Variants in ANKRD44 observed in about 807,000 individuals in gnomAD.
ANKRD44 encodes the protein ankyrin repeat domain 44.
A neutral mutation model predicts 116.0 loss-of-function variants in ANKRD44; 35 were observed. The ratio of observed to expected loss-of-function variants is 0.30; its 90% CI spans 0.23 to 0.40. The LOEUF is 0.40. Ranked by LOEUF, ANKRD44 falls within the 10% of genes least tolerant of loss-of-function variation. ANKRD44 has a pLI of 1.00. For missense variants in ANKRD44, 1,014 were observed against 1,242.6 expected (o/e 0.82, Z 2.77); for synonymous variants, 435 against 461.8 (o/e 0.94, Z 0.74).
At chr2:197,300,758 CTTTTT>C (rs112803787) in intron 1 of ANKRD44, among the ~76,000 whole-genome samples, 5 of 122,742 alleles carry the variant, frequency 4.1e-5, no homozygotes, top group Non-Finnish European at 6.8e-5. Context: ...TTTCATTTTC[CTTTTT>C]TTTTTTTTTT....
intron 1 of ANKRD44, among the ~76,000 whole-genome samples, chr2:197,283,559 A>T (rs912656286): frequency 6.6e-6 from 1 of 152,232 alleles, no homozygotes; most frequent in Non-Finnish European, 1.5e-5. Flanking sequence ...TAAATATTTA[A>T]TGTTTCCTTA....
At chr2:197,160,533 C>T (rs74405884) in intron 2 of ANKRD44, among the ~76,000 whole-genome samples, 2,039 of 152,278 alleles carry the variant, frequency 0.013, 19 homozygotes, top group Middle Eastern at 0.034. Flanking sequence ...GCCATTGTAG[C>T]CTGTCCTATC....
chr2:197,197,739 A>C (rs1347343474), intron 1 of ANKRD44, among the ~76,000 whole-genome samples: 2 of 147,800 alleles, frequency 1.4e-5, no homozygotes, highest in African/African-American at 2.5e-5. Context: ...GAGCCCAGGA[A>C]ATTGAGGCTG....
intron 2 of ANKRD44, among the ~76,000 whole-genome samples, chr2:197,165,396 G>A (rs1281008737): frequency 1.3e-5 from 2 of 152,208 alleles, no homozygotes; most frequent in African/African-American, 4.8e-5. Context: ...CATCTTTAGT[G>A]AACAAAATCT....
intron 18 of ANKRD44, among the ~76,000 whole-genome samples, chr2:197,009,566 A>G (rs931755402): frequency 6.6e-6 from 1 of 151,966 alleles, no homozygotes; most frequent in Admixed American, 6.6e-5. Context: ...ATGGGGTTTC[A>G]CCATGTTGCC....
chr2:197,187,070 C>T lies in ANKRD44; in HGVS notation c.64G>A (p.Glu22Lys), dbSNP rs765603381. Reference sequence around the variant, plus strand: ...TTATGGATGAGCATCCGGATCTCCTCTGGATCACCGCTGAAGATTGCCTGA... The same window carrying T: ...TTATGGATGAGCATCCGGATCTCCTTTGGATCACCGCTGAAGATTGCCTGA... ...LVQAIFSGDP[E>K]EIRMLIHKTE... Residue 22 changes from glutamate (E) to lysine (K), a missense_variant, in exon 2 of 28, where the codon GAG (glutamate) becomes AAG (lysine). Transcript: ENST00000282272. 2 of 1,614,136 alleles carry T rather than the reference C, an allele frequency of 1.2e-6. No individual in the cohort carries two copies. The highest frequency in any genetic ancestry group is 1.1e-5 in the South Asian group (1 of 91,076).
intron 16 of ANKRD44, among the ~76,000 whole-genome samples, chr2:197,058,203 A>C (rs921919167): frequency 6.6e-6 from 1 of 152,190 alleles, no homozygotes; most frequent in Admixed American, 6.5e-5. Context: ...TCTTTTAAGC[A>C]CTATGTGAAA....
intron 2 of ANKRD44, among the ~76,000 whole-genome samples, chr2:197,167,511 T>A (rs1013082202): frequency 6.6e-6 from 1 of 152,186 alleles, no homozygotes; most frequent in Admixed American, 6.5e-5. Context: ...CATCGAAGAC[T>A]TCCCAGAACC....
chr2:197,014,793 A>C (rs775569046), intron 17 of ANKRD44, among the ~76,000 whole-genome samples: 6 of 151,966 alleles, frequency 3.9e-5, no homozygotes, highest in African/African-American at 7.3e-5. Flanking sequence ...CCAAAAAAAA[A>C]AACAACAAAA....
intron 1 of ANKRD44, among the ~76,000 whole-genome samples, chr2:197,208,965 C>T (rs1035780534): frequency 1.3e-5 from 2 of 152,128 alleles, no homozygotes; most frequent in Admixed American, 6.5e-5. Flanking sequence ...GTGATTCATC[C>T]ATTAGGCTAT....
intron 1 of ANKRD44, among the ~76,000 whole-genome samples, chr2:197,222,298 C>A (rs2081602530): frequency 6.6e-6 from 1 of 151,978 alleles, no homozygotes; most frequent in Non-Finnish European, 1.5e-5. Context: ...GGCTTCTAAA[C>A]TTCTTGAGCC....
intron 9 of ANKRD44, among the ~76,000 whole-genome samples, chr2:197,109,872 G>A (rs965712128): frequency 1.3e-5 from 2 of 152,078 alleles, no homozygotes; most frequent in African/African-American, 4.8e-5. Context: ...ATACTCCCTA[G>A]TACTTTGACT....
intron 16 of ANKRD44, among the ~76,000 whole-genome samples, chr2:197,040,010 C>T (rs555888520): frequency 3.3e-5 from 5 of 152,010 alleles, no homozygotes; most frequent in East Asian, 1.9e-4. Flanking sequence ...GGGCAGATCA[C>T]GAAGTCAGGA....
intron 9 of ANKRD44, among the ~76,000 whole-genome samples, chr2:197,104,372 C>G (rs891701765): frequency 6.6e-6 from 1 of 152,152 alleles, no homozygotes; most frequent in Non-Finnish European, 1.5e-5. Context: ...CTACTTGTCT[C>G]GGCCTCCCAA....
At chr2:197,110,587 G>A (rs1310919250) in intron 9 of ANKRD44, among the ~76,000 whole-genome samples, 179 bp downstream of exon 9, 1 of 152,148 alleles carries the variant, frequency 6.6e-6, no homozygotes, top group African/African-American at 2.4e-5. Flanking sequence ...TACTATTAAG[G>A]TGGATGTTGA....
At chr2:197,199,247 AG>A (rs1399020478) in intron 1 of ANKRD44, 2 of 152,264 alleles carry the variant, frequency 1.3e-5, no homozygotes, top group African/African-American at 4.8e-5. Flanking sequence ...ACGAGCTGAA[AG>A]AACAAAACAA....
chr2:197,229,767 T>A (rs1172973784), intron 1 of ANKRD44, among the ~76,000 whole-genome samples: 1 of 152,134 alleles, frequency 6.6e-6, no homozygotes, highest in East Asian at 1.9e-4. Context: ...ACACAGTAGA[T>A]ACAATGCTAA....
chr2:197,209,272 A>G (rs62279234), intron 1 of ANKRD44, among the ~76,000 whole-genome samples: 360 of 152,358 alleles, frequency 2.4e-3, no homozygotes, highest in Non-Finnish European at 3.8e-3. Flanking sequence ...TATAAAATCT[A>G]TAGATAATCA....
At chr2:197,126,148 C>T in intron 4 of ANKRD44, 111 bp from the exon 5 acceptor site, 1 of 1,047,218 alleles carries the variant, frequency 9.5e-7, no homozygotes. Context: ...GCTCCCCAAC[C>T]CTACAGGCTG....
Sources: gnomAD v4.1 joint callset for allele counts (sites outside exome capture counted in the v4.1 genomes callset) on GRCh38, gnomAD v4.1.1 for gene constraint, MANE v1.5 for transcripts, NCBI Gene and HGNC (gene_info 2026-07-23, HGNC 2026-07-21) for gene names.